HS3ST4: variants seen among roughly 807,000 people sequenced by gnomAD.
HS3ST4 encodes heparan sulfate glucosamine 3-O-sulfotransferase 4.
HS3ST4 carries 17 observed loss-of-function variants against 29.2 expected under a neutral mutation model. That is an observed-to-expected ratio of 0.58 (90% CI 0.40 to 0.87). The LOEUF (loss-of-function observed/expected upper bound fraction) is 0.87. Ranked by LOEUF, HS3ST4 falls within the 40% of genes least tolerant of loss-of-function variation. The probability of loss-of-function intolerance (pLI) is 0.00; values close to 1 mark genes in which losing one functional copy is unlikely to be tolerated. For missense variants in HS3ST4, 627 were observed against 634.5 expected, an observed-to-expected ratio of 0.99 and a Z score of 0.13; for synonymous variants, 314 against 285.7, an observed-to-expected ratio of 1.10 and a Z score of -1.00.
chr16:26,097,318 C>T (rs1596679695), intron 1 of HS3ST4, among the ~76,000 whole-genome samples: 2 of 152,318 alleles, frequency 1.3e-5, no homozygotes, highest in East Asian at 3.9e-4. Flanking sequence ...CATCACACTA[C>T]CTGACTTCAA....
chr16:25,923,596 T>C (rs1460008028), intron 1 of HS3ST4, among the ~76,000 whole-genome samples: 1 of 152,140 alleles, frequency 6.6e-6, no homozygotes, highest in Non-Finnish European at 1.5e-5. Context: ...AACTTCTGGC[T>C]CTACATTTTT....
intron 1 of HS3ST4, among the ~76,000 whole-genome samples, chr16:25,781,589 G>C (rs1178469319): frequency 6.6e-6 from 1 of 152,108 alleles, no homozygotes; most frequent in Non-Finnish European, 1.5e-5. Context: ...CCCTCCTTAT[G>C]TGATAGGAGC....
At position 26,051,373 on chromosome 16, in the gene HS3ST4, T is replaced by C. The variant is rs79038391; in HGVS notation, c.735-84239T>C. On this transcript the variant is annotated intron_variant, in intron 1 of 1. Transcript: ENST00000331351. ...ATAACACAGCCTCCTCCCACAAGCT[T>C]TCCTGACAAAGACGAGCATGATTCC... is the stretch of plus-strand genomic sequence containing the variant. Among the ~76,000 whole-genome samples the C allele has an allele frequency of 1.5e-3, 228 of 152,258 alleles. 7 individuals are homozygous for C. The East Asian group carries it at 0.039, about 26-fold the overall frequency.
intron 1 of HS3ST4, among the ~76,000 whole-genome samples, chr16:25,767,323 C>T (rs1201727464): frequency 2.0e-5 from 3 of 152,048 alleles, no homozygotes; most frequent in African/African-American, 7.2e-5. Context: ...TTGGATTAGC[C>T]CAGGGACTAC....
At chr16:25,741,811 G>T (rs1424667536) in intron 1 of HS3ST4, among the ~76,000 whole-genome samples, 1 of 152,124 alleles carries the variant, frequency 6.6e-6, no homozygotes, top group African/African-American at 2.4e-5. Context: ...GGACACCAAG[G>T]CTCAGAGGGA....
At chr16:26,072,122 G>A (rs1215328204) in intron 1 of HS3ST4, among the ~76,000 whole-genome samples, 1 of 152,184 alleles carries the variant, frequency 6.6e-6, no homozygotes, top group African/African-American at 2.4e-5. Flanking sequence ...GGCACCAGGA[G>A]GCTTGGGTTC....
rs370838007 is a variant in HS3ST4, at chr16:26,049,975, T to C, written c.735-85637T>C. 8.7e-4 allele frequency among the ~76,000 whole-genome samples: 133 copies of C among 152,272 alleles called. 2 individuals are homozygous for C. In the East Asian group the frequency reaches 0.021, roughly 24 times the overall value. ...ACCGTCCTCCAGGAGCCTCCCCCTG[T>C]CCAGCTGTCCATGAGCCCCCTGAAC... On this transcript the variant is annotated intron_variant, in intron 1 of 1. Transcript: ENST00000331351.
intron 1 of HS3ST4, among the ~76,000 whole-genome samples, chr16:25,808,370 G>T (rs532147288): frequency 3.3e-5 from 5 of 152,286 alleles, no homozygotes; most frequent in South Asian, 4.2e-4. Flanking sequence ...GCCCAAACAT[G>T]ATTTATTTAA....
intron 1 of HS3ST4, among the ~76,000 whole-genome samples, chr16:25,796,763 A>G (rs1482697672): frequency 6.6e-6 from 1 of 152,190 alleles, no homozygotes; most frequent in Non-Finnish European, 1.5e-5. Flanking sequence ...GTAGCAGTGT[A>G]TGTATGGTTT....
chr16:26,016,902 A>G (rs1306090852), intron 1 of HS3ST4, among the ~76,000 whole-genome samples: 1 of 152,170 alleles, frequency 6.6e-6, no homozygotes, highest in African/African-American at 2.4e-5. Flanking sequence ...CCTTGACATT[A>G]TCCCTGGCTA....
chr16:25,735,889 A>G (rs56656617), intron 1 of HS3ST4, among the ~76,000 whole-genome samples: 6,082 of 152,260 alleles, frequency 0.04, 409 homozygotes, highest in African/African-American at 0.14. Context: ...ACAATGCAGA[A>G]CTGGAGGAGG....
chr16:25,849,005 A>T (rs886122291), intron 1 of HS3ST4, among the ~76,000 whole-genome samples: 15 of 152,120 alleles, frequency 9.9e-5, no homozygotes, highest in Admixed American at 5.2e-4. Flanking sequence ...TTCGGTTTTG[A>T]ATTTCTATTT....
rs1349503175 is a variant in HS3ST4 at position 26,034,667 on chromosome 16, G to GC, written c.735-100944dup. ...GGAGGTGCTCCATTAAATAGCAGGG[G>GC]CGGGGGGGGGTCTCACCAGCATGGA... On this transcript the variant is annotated intron_variant, in intron 1 of 1. Transcript: ENST00000331351. 2.3e-3 allele frequency among the ~76,000 whole-genome samples: 321 copies of GC among 140,472 alleles called. 1 individual carries two copies. Among genetic ancestry groups the GC allele is most frequent in the African/African-American group, 9.4e-3 (310 of 33,076 alleles). 92.2% of individuals were successfully genotyped at this position (140,472 alleles called of 152,430 possible).
In HS3ST4 at chr16:25,763,011, A is replaced by G. The variant is rs142989175; in HGVS notation, c.734+69860A>G. The stretch of plus-strand genomic sequence containing the variant: ...AATGCATGTTAGAGACAAGAGACAG[A>G]CACCAAGGTACCCAGGAGCCAGGAA... On this transcript the variant is annotated intron_variant, in intron 1 of 1. Coordinates refer to ENST00000331351, the MANE Select transcript of HS3ST4 (RefSeq NM_006040.3). Among the ~76,000 whole-genome samples, 336 of 152,154 alleles carry G rather than the reference A, an allele frequency of 2.2e-3. 2 individuals are homozygous for G. Among genetic ancestry groups the G allele is most frequent in the African/African-American group, 7.8e-3 (323 of 41,516 alleles).
chr16:25,894,712 G>A (rs550477310), intron 1 of HS3ST4, among the ~76,000 whole-genome samples: 1 of 152,064 alleles, frequency 6.6e-6, no homozygotes, highest in South Asian at 2.1e-4. Context: ...CACCATGTTG[G>A]CCAGGCTGGT....
chr16:25,877,148 G>A (rs551537962), intron 1 of HS3ST4, among the ~76,000 whole-genome samples: 1 of 152,092 alleles, frequency 6.6e-6, no homozygotes, highest in African/African-American at 2.4e-5. Context: ...GTAAGTTCAT[G>A]CCCTAAATCC....
At chr16:25,795,210 A>G (rs1352328575) in intron 1 of HS3ST4, among the ~76,000 whole-genome samples, 1 of 152,072 alleles carries the variant, frequency 6.6e-6, no homozygotes, top group East Asian at 1.9e-4. Flanking sequence ...TGACCTCGTG[A>G]TCCGCCTGCC....
At chr16:25,950,897 C>T (rs570702690) in intron 1 of HS3ST4, among the ~76,000 whole-genome samples, 5 of 152,122 alleles carry the variant, frequency 3.3e-5, no homozygotes, top group South Asian at 2.1e-4. Context: ...CACTCCAGGA[C>T]GCCAGCTTTG....
At chr16:25,907,347 AGGGACATG>A (rs986326157) in intron 1 of HS3ST4, among the ~76,000 whole-genome samples, 17 of 152,182 alleles carry the variant, frequency 1.1e-4, no homozygotes, top group Non-Finnish European at 2.5e-4. Flanking sequence ...AAATGGTGAC[AGGGACATG>A]GGGAGGCGGG....
Sources: allele counts gnomAD v4.1 joint callset (sites outside exome capture counted in the v4.1 genomes callset), GRCh38; gene constraint gnomAD v4.1.1; transcripts MANE v1.5; gene names NCBI Gene and HGNC (gene_info 2026-07-23, HGNC 2026-07-21).